Variants in CDH13 observed in about 807,000 individuals in gnomAD.
The protein encoded by CDH13 is cadherin 13.
In CDH13, 24 loss-of-function variants were observed where a neutral mutation model predicts 63.8. The observed-to-expected ratio is 0.38, with a 90% CI of 0.27 to 0.53. The LOEUF (loss-of-function observed/expected upper bound fraction) is 0.53. CDH13 is among the 20% of genes least tolerant of loss of function. The probability of loss-of-function intolerance (pLI) is 0.85; values close to 1 mark genes in which losing one functional copy is unlikely to be tolerated. For missense variants in CDH13, 1,049 were observed against 903.1 expected (o/e 1.16, Z -2.07); for synonymous variants, 503 against 355.3 (o/e 1.42, Z -4.67).
intron 7 of CDH13, among the ~76,000 whole-genome samples, chr16:83,572,794 T>C (rs888341733): frequency 6.6e-6 from 1 of 152,248 alleles, no homozygotes; most frequent in African/African-American, 2.4e-5. Context: ...ATTTCTCCTA[T>C]AAATTTCAGT....
rs116458142 is a variant in CDH13 at position 83,092,139 on chromosome 16, A to G, written c.367-33246A>G. On this transcript the variant is annotated intron_variant, in intron 3 of 13. Transcript: ENST00000567109. Reference sequence around the variant, plus strand: ...TCATTTCTCATTATGGACTGTCAAAATTGACATTCTTGTTCCCGTTTTATA... The same window carrying G: ...TCATTTCTCATTATGGACTGTCAAAGTTGACATTCTTGTTCCCGTTTTATA... Among the ~76,000 whole-genome samples the G allele has an allele frequency of 6.7e-3, 1,028 of 152,356 alleles. 17 individuals carry two copies. The highest frequency in any genetic ancestry group is 0.022 in the African/African-American group (918 of 41,586).
chr16:83,596,468 A>C (rs1161818856), intron 7 of CDH13, among the ~76,000 whole-genome samples: 1 of 152,208 alleles, frequency 6.6e-6, no homozygotes, highest in African/African-American at 2.4e-5. Context: ...AAACATGACA[A>C]GTGGCCACTG....
At chr16:83,713,973 T>A (rs1341851425) in intron 10 of CDH13, among the ~76,000 whole-genome samples, 1 of 152,182 alleles carries the variant, frequency 6.6e-6, no homozygotes, top group Non-Finnish European at 1.5e-5. Context: ...GAAATGCCTG[T>A]CCAGTATTCT....
intron 6 of CDH13, among the ~76,000 whole-genome samples, chr16:83,418,470 T>C (rs944222665): frequency 1.3e-5 from 2 of 152,206 alleles, no homozygotes; most frequent in East Asian, 1.9e-4. Flanking sequence ...TGTCAGACTT[T>C]CTTACATTCT....
intron 1 of CDH13, among the ~76,000 whole-genome samples, chr16:82,784,424 T>G (rs1029953472): frequency 6.6e-6 from 1 of 152,122 alleles, no homozygotes; most frequent in Non-Finnish European, 1.5e-5. Flanking sequence ...TCCAGCTGTG[T>G]GTGTACAGGA....
chr16:83,302,384 A>G (rs1290988635), intron 5 of CDH13, among the ~76,000 whole-genome samples: 3 of 152,226 alleles, frequency 2.0e-5, no homozygotes, highest in African/African-American at 4.8e-5. Context: ...AGTTCTTGGC[A>G]CAGAATAGCA....
intron 2 of CDH13, among the ~76,000 whole-genome samples, chr16:82,862,125 C>T (rs2039968554): frequency 6.6e-6 from 1 of 152,122 alleles, no homozygotes; most frequent in Non-Finnish European, 1.5e-5. Flanking sequence ...CCCATATCTC[C>T]CTCAAATTGC....
At chr16:83,176,729 A>G (rs2038139790) in intron 4 of CDH13, among the ~76,000 whole-genome samples, 1 of 152,050 alleles carries the variant, frequency 6.6e-6, no homozygotes. Context: ...TATATTATTA[A>G]AGTTTGCGAT....
chr16:83,768,108 C>T (rs1433612778), intron 11 of CDH13, among the ~76,000 whole-genome samples: 1 of 151,814 alleles, frequency 6.6e-6, no homozygotes, highest in Non-Finnish European at 1.5e-5. Flanking sequence ...TGTTAATTAC[C>T]TAGGGAAATA....
At chr16:83,283,427 C>T (rs1249451726) in intron 5 of CDH13, among the ~76,000 whole-genome samples, 2 of 152,104 alleles carry the variant, frequency 1.3e-5, no homozygotes, top group Non-Finnish European at 2.9e-5. Context: ...CCTGTCTCTA[C>T]TAAAATTACA....
chr16:83,633,346 A>G (rs1488205010), intron 8 of CDH13, among the ~76,000 whole-genome samples: 3 of 152,212 alleles, frequency 2.0e-5, no homozygotes, highest in Admixed American at 2.0e-4. Context: ...AAGAACCCCG[A>G]AATTGTCACA....
intron 1 of CDH13, among the ~76,000 whole-genome samples, chr16:82,748,588 G>A (rs2034281012): frequency 6.7e-6 from 1 of 148,682 alleles, no homozygotes; most frequent in African/African-American, 2.4e-5. Context: ...AGTGAGCAAT[G>A]TGATGAAGCT....
At chr16:83,625,575 C>G (rs1014159108) in intron 8 of CDH13, among the ~76,000 whole-genome samples, 18 of 152,244 alleles carry the variant, frequency 1.2e-4, no homozygotes, top group Non-Finnish European at 2.2e-4. Context: ...CCTCTCAGAA[C>G]TGCAGAAAAC....
At chr16:83,264,749 G>GA in intron 5 of CDH13, among the ~76,000 whole-genome samples, 1 of 146,450 alleles carries the variant, frequency 6.8e-6, no homozygotes, top group East Asian at 2.0e-4. Context: ...CCTTTGGCTG[G>GA]TTTTTTTTTT....
At chr16:82,928,117 A>T (rs1045963168) in intron 2 of CDH13, among the ~76,000 whole-genome samples, 2 of 151,826 alleles carry the variant, frequency 1.3e-5, no homozygotes, top group Admixed American at 6.6e-5. Context: ...CATTTGTACT[A>T]TTTGGTCATT....
At chr16:83,227,088 T>G (rs2039863735) in intron 5 of CDH13, among the ~76,000 whole-genome samples, 1 of 152,138 alleles carries the variant, frequency 6.6e-6, no homozygotes, top group Admixed American at 6.5e-5. Flanking sequence ...AGAAAATGAT[T>G]GAAGTCATGT....
At chr16:82,833,547 C>A (rs1338700824) in intron 1 of CDH13, among the ~76,000 whole-genome samples, 1 of 152,218 alleles carries the variant, frequency 6.6e-6, no homozygotes, top group Admixed American at 6.5e-5. Context: ...TGAGTGCTTC[C>A]CTTCTGGACC....
intron 1 of CDH13, among the ~76,000 whole-genome samples, chr16:82,633,129 C>T (rs1162062092): frequency 6.6e-6 from 1 of 152,184 alleles, no homozygotes; most frequent in Admixed American, 6.5e-5. Context: ...AGGCCATGGA[C>T]TGGTACTGGC....
intron 5 of CDH13, among the ~76,000 whole-genome samples, chr16:83,278,090 A>G (rs1300547267): frequency 6.6e-6 from 1 of 152,176 alleles, no homozygotes; most frequent in Non-Finnish European, 1.5e-5. Flanking sequence ...CATGAGCAGG[A>G]ATCAGGCGCT....
Sources: allele counts gnomAD v4.1 joint callset (sites outside exome capture counted in the v4.1 genomes callset), GRCh38; gene constraint gnomAD v4.1.1; transcripts MANE v1.5; gene names NCBI Gene and HGNC (gene_info 2026-07-23, HGNC 2026-07-21).